The following PPP3CC variants were observed in gnomAD, a reference collection of about 807,000 sequenced individuals.
The protein encoded by PPP3CC is protein phosphatase 3 catalytic subunit gamma.
In PPP3CC, 35 loss-of-function variants were observed where a neutral mutation model predicts 60.3. The observed-to-expected ratio is 0.58, with a 90% CI of 0.44 to 0.77. The LOEUF is 0.77. Among genes scored for constraint, PPP3CC ranks in the 30% least tolerant of loss-of-function variants. The pLI, the probability that PPP3CC is intolerant of heterozygous loss-of-function variation, is 0.00. For synonymous variants in PPP3CC, 206 were observed against 224.3 expected (o/e 0.92, Z 0.73); for missense variants, 570 against 628.9 (o/e 0.91, Z 1.00).
intron 3 of PPP3CC, among the ~76,000 whole-genome samples, chr8:22,486,736 T>TG (rs1009534788): frequency 1.7e-4 from 26 of 151,432 alleles, no homozygotes; most frequent in Non-Finnish European, 8.9e-5. Context: ...TGTTTTGTTT[T>TG]TTTTTTTTTT....
chr8:22,507,064 A>G (rs1838947439), intron 4 of PPP3CC, among the ~76,000 whole-genome samples: 1 of 152,152 alleles, frequency 6.6e-6, no homozygotes. Context: ...GGTTGCAGTA[A>G]GCTATGATAA....
intron 3 of PPP3CC, among the ~76,000 whole-genome samples, chr8:22,480,996 C>T (rs1407976570): frequency 6.6e-6 from 1 of 152,166 alleles, no homozygotes; most frequent in Non-Finnish European, 1.5e-5. Context: ...TGTCAAAAGG[C>T]TCAGAACATC....
At chr8:22,487,837 T>G (rs771335706) in intron 3 of PPP3CC, among the ~76,000 whole-genome samples, 31 of 152,204 alleles carry the variant, frequency 2.0e-4, no homozygotes, top group Non-Finnish European at 3.1e-4. Context: ...GACCAATTGA[T>G]GAACAGGTAT....
At chr8:22,441,808 C>G (rs901336332) in intron 1 of PPP3CC, among the ~76,000 whole-genome samples, 2 of 152,200 alleles carry the variant, frequency 1.3e-5, no homozygotes, top group East Asian at 1.9e-4. Flanking sequence ...AGGGAGTCGA[C>G]TCTTCCAAGT....
intron 3 of PPP3CC, among the ~76,000 whole-genome samples, chr8:22,483,852 T>A (rs1241057478): frequency 6.6e-6 from 1 of 152,058 alleles, no homozygotes; most frequent in African/African-American, 2.4e-5. Context: ...AAAAAAAATT[T>A]TTTTAAGAGA....
At chr8:22,535,072 A>G (rs536873696) in intron 12 of PPP3CC, among the ~76,000 whole-genome samples, 3 of 152,324 alleles carry the variant, frequency 2.0e-5, no homozygotes, top group African/African-American at 7.2e-5. Flanking sequence ...GTTGAGCTGT[A>G]CACTTCAGAT....
intron 1 of PPP3CC, among the ~76,000 whole-genome samples, chr8:22,449,447 C>CAA (rs35113938): frequency 3.0e-3 from 175 of 59,174 alleles, no homozygotes; most frequent in East Asian, 6.3e-3. Context: ...GACCCCATCT[C>CAA]AAAAAAAAAA....
chr8:22,498,665 G>C (rs373783165), intron 4 of PPP3CC, among the ~76,000 whole-genome samples: 1 of 152,038 alleles, frequency 6.6e-6, no homozygotes, highest in South Asian at 2.1e-4. Flanking sequence ...ATATCATTAA[G>C]TATTTTTGAC....
chr8:22,502,962 A>T (rs1838805481), intron 4 of PPP3CC, among the ~76,000 whole-genome samples: 1 of 152,156 alleles, frequency 6.6e-6, no homozygotes, highest in Non-Finnish European at 1.5e-5. Context: ...CTCCAGCCTT[A>T]GCCTCCTAAA....
intron 10 of PPP3CC, chr8:22,531,283 G>A (rs977312150): frequency 5.2e-6 from 8 of 1,526,728 alleles, no homozygotes; most frequent in South Asian, 3.6e-5. Flanking sequence ...TTGTTTCTTG[G>A]TGTTTCTTCT....
chr8:22,488,954 G>A (rs932492950), intron 3 of PPP3CC, among the ~76,000 whole-genome samples: 1 of 152,140 alleles, frequency 6.6e-6, no homozygotes, highest in African/African-American at 2.4e-5. Flanking sequence ...GCAGAGAGTG[G>A]GGCAGATAGA....
intron 1 of PPP3CC, among the ~76,000 whole-genome samples, chr8:22,442,734 A>G (rs998201174): frequency 6.6e-6 from 1 of 152,222 alleles, no homozygotes; most frequent in Non-Finnish European, 1.5e-5. Context: ...AGAAGTATAT[A>G]GCCCTCTCTT....
At chr8:22,532,072 C>T (rs780399850) in intron 10 of PPP3CC, among the ~76,000 whole-genome samples, 153 bp from the exon 11 acceptor site, 41 of 152,152 alleles carry the variant, frequency 2.7e-4, no homozygotes, top group Non-Finnish European at 5.1e-4. Context: ...CTTAGAACTT[C>T]CTGAGATTTT....
intron 1 of PPP3CC, among the ~76,000 whole-genome samples, chr8:22,471,280 CTTTT>C (rs557089522): frequency 1.6e-5 from 2 of 128,644 alleles, no homozygotes; most frequent in Non-Finnish European, 1.7e-5. Context: ...CTTGATCATT[CTTTT>C]TTTTTTTTTT....
intron 3 of PPP3CC, among the ~76,000 whole-genome samples, chr8:22,490,656 A>G (rs369605422): frequency 2.2e-5 from 3 of 133,772 alleles, no homozygotes; most frequent in Admixed American, 1.8e-4. Flanking sequence ...CCTGTGTCCA[A>G]GTGTTCTCAT....
intron 12 of PPP3CC, 69 bp from the exon 13 acceptor site, chr8:22,539,400 A>T (rs2117165753): frequency 1.3e-6 from 2 of 1,553,902 alleles, no homozygotes; most frequent in Admixed American, 1.8e-5. Flanking sequence ...TGCTGCCATC[A>T]GTGCTGTTGG....
intron 13 of PPP3CC, 60 bp from the exon 14 acceptor site, chr8:22,540,555 T>G: frequency 3.9e-6 from 6 of 1,521,366 alleles, no homozygotes; most frequent in African/African-American, 1.4e-5. Context: ...AAACTTTTTT[T>G]AAGCCTGTTG....
intron 5 of PPP3CC, 58 bp downstream of exon 5, chr8:22,511,289 T>G: frequency 6.6e-7 from 1 of 1,521,174 alleles, no homozygotes; most frequent in Middle Eastern, 1.9e-4. Flanking sequence ...TGGGTTTTTT[T>G]GTTGTTGTTG....
At chr8:22,500,750 G>A (rs1586838307) in intron 4 of PPP3CC, among the ~76,000 whole-genome samples, 2 of 152,174 alleles carry the variant, frequency 1.3e-5, no homozygotes, top group South Asian at 4.1e-4. Flanking sequence ...AAAGTCAGCT[G>A]CAAGAGGGCA....
Sources: gnomAD v4.1 joint callset for allele counts (sites outside exome capture counted in the v4.1 genomes callset) on GRCh38, gnomAD v4.1.1 for gene constraint, MANE v1.5 for transcripts, NCBI Gene and HGNC (gene_info 2026-07-23, HGNC 2026-07-21) for gene names.